Variants in ARAP1 observed in about 807,000 individuals in gnomAD.
ARAP1 encodes arf-GAP with Rho-GAP domain, ANK repeat and PH domain-containing protein 1.
A neutral mutation model predicts 172.2 loss-of-function variants in ARAP1; 76 were observed. The observed-to-expected ratio is 0.44, with a 90% CI of 0.37 to 0.53. ARAP1 has a LOEUF of 0.53. Ranked by LOEUF, ARAP1 falls within the 20% of genes least tolerant of loss-of-function variation. The probability of loss-of-function intolerance (pLI) is 0.00; values close to 1 mark genes in which losing one functional copy is unlikely to be tolerated. For synonymous variants in ARAP1, 804 were observed against 803.3 expected, an observed-to-expected ratio of 1.00 and a Z score of -0.01; for missense variants, 1,686 against 1,977.5, an observed-to-expected ratio of 0.85 and a Z score of 2.80.
intron 30 of ARAP1, among the ~76,000 whole-genome samples, chr11:72,691,556 G>A (rs1248881324): frequency 2.0e-5 from 3 of 152,212 alleles, no homozygotes; most frequent in South Asian, 2.1e-4. Flanking sequence ...CACAGGGTTA[G>A]CAGGAGCCCA....
intron 3 of ARAP1, among the ~76,000 whole-genome samples, chr11:72,715,998 C>T (rs763984030): frequency 4.6e-5 from 7 of 151,914 alleles, no homozygotes; most frequent in Non-Finnish European, 7.4e-5. Context: ...CAGTGAAACA[C>T]CATCTCTACT....
chr11:72,710,252 G>T lies in ARAP1; in HGVS notation c.1416+133C>A. ...AGTGGTCAGAACTTGGGGGAGCGAG[G>T]ACATATCCAGGCAAAGGGCTGGGCC... On this transcript the variant is annotated intron_variant, in intron 10 of 34. Transcript: ENST00000393609. This position sits in a 1 kb window ranked among gnomAD's most constrained non-coding sequence, Gnocchi z 4.3. The T allele has an allele frequency of 8.7e-7, 1 of 1,147,476 alleles. No individual in the cohort carries two copies. Among genetic ancestry groups the T allele is most frequent in the Non-Finnish European group, 1.3e-6 (1 of 783,778 alleles). 71.1% of individuals were successfully genotyped at this position (1,147,476 alleles called of 1,614,324 possible). A position where few individuals can be genotyped will look rare whatever the true frequency, so the allele number is the denominator to read the frequency against.
chr11:72,690,290 C>A lies in ARAP1; in HGVS notation c.3988-1753G>T, dbSNP rs145564128. 8.0e-3 allele frequency among the ~76,000 whole-genome samples: 1,221 copies of A among 152,286 alleles called. 11 individuals carry two copies. Among genetic ancestry groups the A allele is most frequent in the Middle Eastern group, 0.014 (4 of 294 alleles). ...TGTGGCTCCAAGAATGAAAACACAA[C>A]CCTCAGGCCTCCGATTCCTTGGGGT... On this transcript the variant is annotated intron_variant, in intron 30 of 34. Transcript: ENST00000393609.
chr11:72,713,361 TG>T (rs1857122001), intron 4 of ARAP1, 118 bp from the exon 5 acceptor site: 1 of 928,680 alleles, frequency 1.1e-6, no homozygotes, highest in Non-Finnish European at 1.7e-6. Context: ...CACCTCCCCC[TG>T]GCTTTCAAAA....
At position 72,685,603 on chromosome 11, in the gene ARAP1, G is replaced by T; in HGVS notation, c.*61C>A. On this transcript the variant is annotated 3_prime_UTR_variant, in exon 35 of 35. Transcript: ENST00000393609. ...CTCACATCAGGCCTTGGAGCATAAG[G>T]GGTGTCTGAACAGAAGGCTTCCAGC... 1 of 1,611,562 alleles carries T rather than the reference G, an allele frequency of 6.2e-7. No homozygotes were observed. Among genetic ancestry groups the T allele is most frequent in the Non-Finnish European group, 8.5e-7 (1 of 1,177,696 alleles).
At position 72,726,069 on chromosome 11, in the gene ARAP1, G is replaced by A. The variant is rs73541198; in HGVS notation, c.509+551C>T. 0.012 allele frequency among the ~76,000 whole-genome samples: 1,785 copies of A among 152,260 alleles called. 36 individuals are homozygous for A. The highest frequency in any genetic ancestry group is 0.041 in the African/African-American group (1,689 of 41,544). On this transcript the variant is annotated intron_variant, in intron 3 of 34. Coordinates refer to ENST00000393609, the MANE Select transcript of ARAP1 (RefSeq NM_001040118.3). This position sits in a 1 kb window ranked among gnomAD's most constrained non-coding sequence, Gnocchi z 6.5. The stretch of plus-strand genomic sequence containing the variant: ...AGCCCCAGAGGGGAAACAGTTCTGA[G>A]GAGGGAGGGCATGCCAGATGAGGCC...
intron 3 of ARAP1, among the ~76,000 whole-genome samples, chr11:72,718,526 GCTCAGCCGGC>G (rs1857379397): frequency 6.6e-6 from 1 of 151,776 alleles, no homozygotes; most frequent in African/African-American, 2.4e-5. Context: ...TCAAAATGCA[GCTCAGCCGGC>G]CTCCTCCTCT....
At chr11:72,690,580 A>AT (rs1855895979) in intron 30 of ARAP1, among the ~76,000 whole-genome samples, 1 of 152,160 alleles carries the variant, frequency 6.6e-6, no homozygotes, top group Non-Finnish European at 1.5e-5. Flanking sequence ...GGGTTTCACC[A>AT]TGTTGCCCAG....
chr11:72,749,219 A>C (rs1858464307), intron 1 of ARAP1, among the ~76,000 whole-genome samples: 1 of 152,192 alleles, frequency 6.6e-6, no homozygotes, highest in South Asian at 2.1e-4. Context: ...AGTAAGATCA[A>C]AGTGAAGTCA....
chr11:72,724,890 C>G (rs78543285), intron 3 of ARAP1, among the ~76,000 whole-genome samples: 3 of 152,204 alleles, frequency 2.0e-5, no homozygotes, highest in Admixed American at 6.5e-5. Flanking sequence ...CTGGCCTCCT[C>G]CTCATGTTGC....
chr11:72,686,346 G>A (rs944893940), intron 33 of ARAP1, among the ~76,000 whole-genome samples, 155 bp from the exon 34 acceptor site: 1 of 152,190 alleles, frequency 6.6e-6, no homozygotes, highest in African/African-American at 2.4e-5. Flanking sequence ...GCTGTGGGGA[G>A]AACATGACTG....
At chr11:72,727,202 G>A in intron 2 of ARAP1, 30 bp from the exon 3 acceptor site, 2 of 1,462,298 alleles carry the variant, frequency 1.4e-6, no homozygotes, top group Non-Finnish European at 1.8e-6. Context: ...ACAGGTCAGA[G>A]GCAGGGCTGC....
intron 14 of ARAP1, chr11:72,703,399 T>C (rs1856589166): frequency 1.2e-5 from 1 of 80,328 alleles, no homozygotes; most frequent in East Asian, 2.4e-4. Flanking sequence ...TTCTGCCTTG[T>C]GGAGGAGCCG....
At chr11:72,689,037 C>T (rs72964109) in intron 30 of ARAP1, 16,196 of 154,816 alleles carry the variant, frequency 0.1, 963 homozygotes, top group Middle Eastern at 0.2. Flanking sequence ...CAGGGTTGAC[C>T]GTGTGAACAG....
intron 2 of ARAP1, among the ~76,000 whole-genome samples, chr11:72,732,291 C>G (rs957552727): frequency 6.6e-6 from 1 of 152,216 alleles, no homozygotes; most frequent in Admixed American, 6.5e-5. Flanking sequence ...TGGCCCCTGC[C>G]TTGTCCCTCT....
At position 72,727,130 on chromosome 11, in the gene ARAP1, G is replaced by T. The variant is rs370772016; in HGVS notation, c.-2C>A. On this transcript the variant is annotated 5_prime_UTR_variant, in exon 3 of 35. Coordinates refer to ENST00000393609, the MANE Select transcript of ARAP1 (RefSeq NM_001040118.3). ...CGCAGCATCCCCAGCCTCTGCCATGGTTCCTGCCAGCGGAGGCCTGACTGG... is the reference window on the plus strand; with the variant it reads ...CGCAGCATCCCCAGCCTCTGCCATGTTTCCTGCCAGCGGAGGCCTGACTGG... 1.6e-5 allele frequency: 25 copies of T among 1,578,440 alleles called. No homozygotes were observed. Among genetic ancestry groups the T allele is most frequent in the Non-Finnish European group, 2.0e-5 (23 of 1,158,618 alleles).
Position 72,695,676 on chromosome 11 carries a change from G to A in ARAP1, c.3420+42C>T. The stretch of plus-strand genomic sequence containing the variant: ...GACAGGTGGTCACCGTCATCTGCAA[G>A]GATCACCCCTGCCCTCCACTGCCCA... On this transcript the variant is annotated intron_variant, in intron 24 of 34. Coordinates refer to ENST00000393609, the MANE Select transcript of ARAP1 (RefSeq NM_001040118.3). The surrounding 1 kb of genome is among the most constrained non-coding windows in gnomAD (Gnocchi z 4.4). 1 of 1,614,020 alleles carries A rather than the reference G, an allele frequency of 6.2e-7. No individual in the cohort carries two copies. Among genetic ancestry groups the A allele is most frequent in the Non-Finnish European group, 8.5e-7 (1 of 1,179,962 alleles).
intron 1 of ARAP1, among the ~76,000 whole-genome samples, chr11:72,745,290 G>A (rs915097641): frequency 7.0e-6 from 1 of 142,226 alleles, no homozygotes; most frequent in Non-Finnish European, 1.5e-5. Flanking sequence ...ACGGGTTCAC[G>A]CCATTCTCCT....
chr11:72,705,553 ATT>A (rs1856718298), intron 13 of ARAP1: 3 of 493,758 alleles, frequency 6.1e-6, no homozygotes, highest in Non-Finnish European at 1.1e-5. Flanking sequence ...TCTCTGCTGC[ATT>A]TTCTTCCTTT....
Sources: allele counts gnomAD v4.1 joint callset (sites outside exome capture counted in the v4.1 genomes callset), GRCh38; gene constraint gnomAD v4.1.1; non-coding constraint Gnocchi (gnomAD v3.1); transcripts MANE v1.5; gene names NCBI Gene and HGNC (gene_info 2026-07-23, HGNC 2026-07-21).